WWOX: variants seen among roughly 807,000 people sequenced by gnomAD.
WWOX encodes WW domain containing oxidoreductase.
A neutral mutation model predicts 46.2 loss-of-function variants in WWOX; 69 were observed. The observed-to-expected ratio is 1.49, with a 90% CI of 1.23 to 1.82. WWOX has a LOEUF of 1.82. Ranked by LOEUF, WWOX falls within the 40% of genes most tolerant of loss-of-function variation. The pLI, the probability that WWOX is intolerant of heterozygous loss-of-function variation, is 0.00. For missense variants in WWOX, 919 were observed against 542.6 expected (o/e 1.69, Z -6.89); for synonymous variants, 359 against 202.6 (o/e 1.77, Z -6.56).
chr16:78,553,818 G>T (rs2044228337), intron 8 of WWOX, among the ~76,000 whole-genome samples: 1 of 152,064 alleles, frequency 6.6e-6, no homozygotes, highest in African/African-American at 2.4e-5. Flanking sequence ...CCTGGTGGCA[G>T]TATTGGTGGT....
At position 78,496,866 on chromosome 16, in the gene WWOX, A is replaced by G. The variant is rs569316278; in HGVS notation, c.1056+64114A>G. Among the ~76,000 whole-genome samples, 204 of 152,356 alleles carry G rather than the reference A, an allele frequency of 1.3e-3. 2 individuals are homozygous for G. Among genetic ancestry groups the G allele is most frequent in the African/African-American group, 4.3e-3 (180 of 41,580 alleles). ...CCCTTTTGCTGTGCCATGTGCATGGAAGGAGAGGAATGAATGACTGTTGAA... is the reference window on the plus strand; with the variant it reads ...CCCTTTTGCTGTGCCATGTGCATGGGAGGAGAGGAATGAATGACTGTTGAA... On this transcript the variant is annotated intron_variant, in intron 8 of 8. Coordinates refer to ENST00000566780, the MANE Select transcript of WWOX (RefSeq NM_016373.4).
intron 8 of WWOX, among the ~76,000 whole-genome samples, chr16:78,894,268 TAC>T (rs1365801791): frequency 6.6e-6 from 1 of 152,080 alleles, no homozygotes; most frequent in Non-Finnish European, 1.5e-5. Flanking sequence ...ATACAACACA[TAC>T]ACACACATCT....
intron 8 of WWOX, among the ~76,000 whole-genome samples, chr16:79,187,038 A>G (rs2051029854): frequency 6.6e-6 from 1 of 152,136 alleles, no homozygotes; most frequent in South Asian, 2.1e-4. Context: ...AAACACCCTA[A>G]ATGTGCAGAG....
chr16:78,717,866 T>C (rs1268932931), intron 8 of WWOX, among the ~76,000 whole-genome samples: 3 of 152,194 alleles, frequency 2.0e-5, no homozygotes, highest in Non-Finnish European at 4.4e-5. Context: ...TGTTTGGTGA[T>C]GAGGAAGGAG....
Position 78,248,058 on chromosome 16 carries a change from C to T in WWOX, c.516+83769C>T, listed in dbSNP as rs2037866570. ...GTTGGCATGAGCTGGGCAGAGTGCT[C>T]CATCCTCTATGTGTGTATTAGTTCA... On this transcript the variant is annotated intron_variant, in intron 5 of 8. Transcript: ENST00000566780. 2.6e-5 allele frequency among the ~76,000 whole-genome samples: 4 copies of T among 152,222 alleles called. No individual in the cohort carries two copies. In the South Asian group the frequency reaches 6.2e-4, roughly 24 times the overall value.
chr16:78,638,780 T>C (rs1190153788), intron 8 of WWOX, among the ~76,000 whole-genome samples: 1 of 152,194 alleles, frequency 6.6e-6, no homozygotes, highest in Admixed American at 6.5e-5. Context: ...ATGTGGCATT[T>C]CTAGGAATTC....
chr16:78,860,696 A>G (rs2052695880), intron 8 of WWOX, among the ~76,000 whole-genome samples: 1 of 152,250 alleles, frequency 6.6e-6, no homozygotes, highest in African/African-American at 2.4e-5. Context: ...TCCTGTTAGC[A>G]GTGCCAACAT....
intron 8 of WWOX, among the ~76,000 whole-genome samples, chr16:78,799,004 C>G (rs773064738): frequency 6.6e-6 from 1 of 152,158 alleles, no homozygotes; most frequent in Non-Finnish European, 1.5e-5. Flanking sequence ...ACAATGTGAG[C>G]AAAATGCTTT....
Position 78,338,054 on chromosome 16 carries a change from T to A in WWOX, c.517-48806T>A, listed in dbSNP as rs1284739651. On this transcript the variant is annotated intron_variant, in intron 5 of 8. Coordinates refer to ENST00000566780, the MANE Select transcript of WWOX (RefSeq NM_016373.4). ...TAAAACATATATAAAATTATTTTTA[T>A]CAAACATGACAGATCAAAAGCCTTC... 2.5e-5 allele frequency among the ~76,000 whole-genome samples: 3 copies of A among 120,864 alleles called. 1 individual carries two copies. The highest frequency in any genetic ancestry group is 5.9e-5 in the Non-Finnish European group (3 of 50,706). 79.3% of individuals were successfully genotyped at this position (120,864 alleles called of 152,430 possible). A position where few individuals can be genotyped will look rare whatever the true frequency, so the allele number is the denominator to read the frequency against.
intron 8 of WWOX, among the ~76,000 whole-genome samples, chr16:78,774,223 A>C (rs1277036915): frequency 4.6e-5 from 7 of 152,176 alleles, no homozygotes; most frequent in African/African-American, 1.7e-4. Flanking sequence ...CAACATGGTG[A>C]AACCCTGTCT....
chr16:79,071,752 G>T (rs771734943), intron 8 of WWOX, among the ~76,000 whole-genome samples: 2 of 152,210 alleles, frequency 1.3e-5, no homozygotes, highest in South Asian at 2.1e-4. Flanking sequence ...TAATTGATCT[G>T]TTGGCCTAAA....
At chr16:78,497,539 A>AAG (rs10685838) in intron 8 of WWOX, among the ~76,000 whole-genome samples, 3 of 151,976 alleles carry the variant, frequency 2.0e-5, no homozygotes, top group South Asian at 2.1e-4. Context: ...ATCCTACAGA[A>AAG]AGAGAATATT....
chr16:78,215,346 A>G (rs1319364286), intron 5 of WWOX, among the ~76,000 whole-genome samples: 1 of 152,184 alleles, frequency 6.6e-6, no homozygotes, highest in Non-Finnish European at 1.5e-5. Flanking sequence ...CGTGCCAGGT[A>G]GGGACCTGGT....
chr16:78,978,518 T>C (rs546625739), intron 8 of WWOX, among the ~76,000 whole-genome samples: 2 of 152,328 alleles, frequency 1.3e-5, no homozygotes, highest in East Asian at 3.9e-4. Flanking sequence ...CTGGCACTGC[T>C]ATAAAGAAAT....
intron 8 of WWOX, among the ~76,000 whole-genome samples, chr16:78,984,255 A>G (rs1288823485): frequency 6.6e-6 from 1 of 152,264 alleles, no homozygotes; most frequent in East Asian, 1.9e-4. Flanking sequence ...ATGTTTGCCA[A>G]GACTGCTATA....
In WWOX at chr16:78,657,173, G is replaced by A. The variant is rs1484073911; in HGVS notation, c.1056+224421G>A. ...CCCAATGTGTCCTGCTCATCACTGAGGTTTGTCATTTTTACTCTGAGTCTG... is the reference window on the plus strand; with the variant it reads ...CCCAATGTGTCCTGCTCATCACTGAAGTTTGTCATTTTTACTCTGAGTCTG... On this transcript the variant is annotated intron_variant, in intron 8 of 8. Coordinates refer to ENST00000566780, the MANE Select transcript of WWOX (RefSeq NM_016373.4). 7.9e-5 allele frequency among the ~76,000 whole-genome samples: 12 copies of A among 152,204 alleles called. No individual in the cohort carries two copies. The South Asian group carries it at 1.9e-3, about 24-fold the overall frequency.
At chr16:78,466,532 G>T (rs1337697339) in intron 8 of WWOX, among the ~76,000 whole-genome samples, 1 of 151,768 alleles carries the variant, frequency 6.6e-6, no homozygotes, top group African/African-American at 2.4e-5. Flanking sequence ...TGCTGTTGTT[G>T]TTTTTTAAAT....
At chr16:78,127,980 A>G (rs1051182489) in intron 4 of WWOX, among the ~76,000 whole-genome samples, 2 of 152,308 alleles carry the variant, frequency 1.3e-5, no homozygotes, top group South Asian at 2.1e-4. Flanking sequence ...TCTCTGTCAC[A>G]TACTGTTTTG....
chr16:78,238,849 C>A lies in WWOX; in HGVS notation c.516+74560C>A, dbSNP rs187315173. Reference sequence around the variant, plus strand: ...GGTCAGGCTGGTCTCGAACTCCGGACCTCAGGTGATCTGCCCACCTTGGCC... The same window carrying A: ...GGTCAGGCTGGTCTCGAACTCCGGAACTCAGGTGATCTGCCCACCTTGGCC... On this transcript the variant is annotated intron_variant, in intron 5 of 8. Coordinates refer to ENST00000566780, the MANE Select transcript of WWOX (RefSeq NM_016373.4). Among the ~76,000 whole-genome samples the A allele has an allele frequency of 1.6e-3, 233 of 150,274 alleles. 1 individual carries two copies. The highest frequency in any genetic ancestry group is 5.5e-3 in the African/African-American group (228 of 41,174).
Sources: allele counts gnomAD v4.1 joint callset (sites outside exome capture counted in the v4.1 genomes callset), GRCh38; gene constraint gnomAD v4.1.1; transcripts MANE v1.5; gene names NCBI Gene and HGNC (gene_info 2026-07-23, HGNC 2026-07-21).